The following MSRB3 variants were observed in gnomAD, a reference collection of about 807,000 sequenced individuals.
The protein encoded by MSRB3 is methionine-R-sulfoxide reductase B3.
In MSRB3, 13 loss-of-function variants were observed where a neutral mutation model predicts 21.0. The ratio of observed to expected loss-of-function variants is 0.62; its 90% CI spans 0.40 to 0.98. The LOEUF is 0.98. MSRB3 is among the 50% of genes least tolerant of loss of function. MSRB3 has a pLI of 0.00. For missense variants in MSRB3, 199 were observed against 230.3 expected (o/e 0.86, Z 0.88); for synonymous variants, 87 against 88.6 (o/e 0.98, Z 0.10).
intron 2 of MSRB3, among the ~76,000 whole-genome samples, chr12:65,318,272 A>G (rs1316210115): frequency 6.6e-6 from 1 of 152,098 alleles, no homozygotes; most frequent in Non-Finnish European, 1.5e-5. Flanking sequence ...GTTTTTGACA[A>G]TATATATTTT....
intron 4 of MSRB3, among the ~76,000 whole-genome samples, chr12:65,347,232 C>A: frequency 1.3e-5 from 2 of 152,140 alleles, no homozygotes; most frequent in Non-Finnish European, 2.9e-5. Context: ...GAATGTTCTT[C>A]CATTTGTTTG....
intron 4 of MSRB3, among the ~76,000 whole-genome samples, chr12:65,337,096 A>G (rs982364947): frequency 5.9e-5 from 9 of 152,132 alleles, no homozygotes; most frequent in African/African-American, 2.2e-4. Context: ...ACAAAAAATT[A>G]GCCGGGCGCA....
At chr12:65,296,247 C>A (rs1872955811) in intron 1 of MSRB3, among the ~76,000 whole-genome samples, 1 of 151,996 alleles carries the variant, frequency 6.6e-6, no homozygotes, top group Non-Finnish European at 1.5e-5. Context: ...TAGGCAATCA[C>A]CTCATTCTTT....
chr12:65,340,356 G>C (rs535263145), intron 4 of MSRB3, among the ~76,000 whole-genome samples: 1 of 152,012 alleles, frequency 6.6e-6, no homozygotes, highest in Non-Finnish European at 1.5e-5. Flanking sequence ...TAAGAAATAT[G>C]TTTCAGTTAT....
chr12:65,355,195 A>G (rs1186966751), intron 4 of MSRB3, among the ~76,000 whole-genome samples: 5 of 151,882 alleles, frequency 3.3e-5, no homozygotes, highest in Admixed American at 6.6e-5. Context: ...ATAATTGTCA[A>G]TCTATGAGAT....
intron 5 of MSRB3, among the ~76,000 whole-genome samples, chr12:65,396,471 A>G (rs1408127675): frequency 6.6e-6 from 1 of 152,128 alleles, no homozygotes; most frequent in Non-Finnish European, 1.5e-5. Flanking sequence ...TGGGTGAATC[A>G]CCTGAGGTCA....
At chr12:65,414,977 A>G (rs569216424) in intron 5 of MSRB3, among the ~76,000 whole-genome samples, 1 of 152,298 alleles carries the variant, frequency 6.6e-6, no homozygotes, top group East Asian at 1.9e-4. Flanking sequence ...AAAATTAGAG[A>G]TAAAAATTTG....
At chr12:65,302,280 A>G (rs1341811477) in intron 1 of MSRB3, among the ~76,000 whole-genome samples, 2 of 152,140 alleles carry the variant, frequency 1.3e-5, no homozygotes, top group East Asian at 3.8e-4. Flanking sequence ...AAAGAATACA[A>G]ATAAAAAGTC....
chr12:65,394,231 A>G (rs1030420226), intron 5 of MSRB3, among the ~76,000 whole-genome samples: 2 of 152,192 alleles, frequency 1.3e-5, no homozygotes, highest in Admixed American at 1.3e-4. Flanking sequence ...TTGATATTTT[A>G]GAACTTCAAG....
At chr12:65,415,440 C>T (rs573614078) in intron 5 of MSRB3, among the ~76,000 whole-genome samples, 2 of 152,236 alleles carry the variant, frequency 1.3e-5, no homozygotes, top group East Asian at 3.9e-4. Context: ...AAGTTTGTAG[C>T]TAGCAACCTA....
At chr12:65,395,953 C>T (rs12308133) in intron 5 of MSRB3, among the ~76,000 whole-genome samples, 2,237 of 152,138 alleles carry the variant, frequency 0.015, 52 homozygotes, top group African/African-American at 0.05. Context: ...TCAAATAACC[C>T]GCTTTTGGTT....
chr12:65,386,916 A>G (rs887671512), intron 5 of MSRB3, among the ~76,000 whole-genome samples: 1 of 152,016 alleles, frequency 6.6e-6, no homozygotes, highest in Non-Finnish European at 1.5e-5. Flanking sequence ...TTTCATGTCA[A>G]TTTTGTCATA....
intron 5 of MSRB3, among the ~76,000 whole-genome samples, chr12:65,413,282 G>A (rs1880810216): frequency 6.6e-6 from 1 of 152,172 alleles, no homozygotes; most frequent in Non-Finnish European, 1.5e-5. Flanking sequence ...GAAAGGCCAA[G>A]ATATTTGCTT....
intron 6 of MSRB3, 118 bp downstream of exon 6, chr12:65,453,943 T>G (rs1306591816): frequency 1.2e-6 from 1 of 824,058 alleles, no homozygotes; most frequent in African/African-American, 1.7e-5. Flanking sequence ...ATGACGAAGT[T>G]TATATGAAGT....
chr12:65,323,901 A>G (rs1388404975), intron 2 of MSRB3, among the ~76,000 whole-genome samples: 1 of 152,220 alleles, frequency 6.6e-6, no homozygotes, highest in Non-Finnish European at 1.5e-5. Context: ...TGGTGTGGCA[A>G]GATATTTATT....
At chr12:65,279,066 A>T in intron 1 of MSRB3, 1 of 1,418,386 alleles carries the variant, frequency 7.1e-7, no homozygotes. Flanking sequence ...GGCCGAACGG[A>T]AGGAGGTCAG....
At chr12:65,366,125 C>T (rs1400397942) in intron 4 of MSRB3, among the ~76,000 whole-genome samples, 3 of 152,196 alleles carry the variant, frequency 2.0e-5, no homozygotes, top group Non-Finnish European at 4.4e-5. Context: ...CTCAGCCACT[C>T]ACCCTCACAG....
At chr12:65,413,502 G>A (rs1880820190) in intron 5 of MSRB3, among the ~76,000 whole-genome samples, 2 of 152,060 alleles carry the variant, frequency 1.3e-5, no homozygotes, top group African/African-American at 2.4e-5. Context: ...AGATGTTCTC[G>A]TTCCTGTTTT....
At chr12:65,453,146 A>G (rs1455567394) in intron 5 of MSRB3, among the ~76,000 whole-genome samples, 2 of 152,206 alleles carry the variant, frequency 1.3e-5, no homozygotes, top group Non-Finnish European at 2.9e-5. Context: ...TATGAAGTGA[A>G]CAAGCTTCTT....
Sources: gnomAD v4.1 joint callset for allele counts (sites outside exome capture counted in the v4.1 genomes callset) on GRCh38, gnomAD v4.1.1 for gene constraint, MANE v1.5 for transcripts, NCBI Gene and HGNC (gene_info 2026-07-23, HGNC 2026-07-21) for gene names.